The following PPFIA2 variants were observed in gnomAD, a reference collection of about 807,000 sequenced individuals.
PPFIA2 encodes PPFI scaffold protein A2, also known as liprin-alpha-2.
PPFIA2 carries 46 observed loss-of-function variants against 175.5 expected under a neutral mutation model. The observed-to-expected ratio is 0.26, with a 90% CI of 0.21 to 0.34. PPFIA2 has a LOEUF of 0.34. Among genes scored for constraint, PPFIA2 ranks in the 10% least tolerant of loss-of-function variants. The pLI is 1.00. For synonymous variants in PPFIA2, 568 were observed against 511.4 expected, an observed-to-expected ratio of 1.11 and a Z score of -1.49; for missense variants, 1,179 against 1,506.1, an observed-to-expected ratio of 0.78 and a Z score of 3.60.
At chr12:81,273,890 C>A (rs182915318) in intron 28 of PPFIA2, among the ~76,000 whole-genome samples, 4 of 151,718 alleles carry the variant, frequency 2.6e-5, no homozygotes, top group Non-Finnish European at 4.4e-5. Flanking sequence ...CCCGCCCCCC[C>A]CCAAACCGGT....
At chr12:81,370,493 T>G (rs547532035) in intron 11 of PPFIA2, among the ~76,000 whole-genome samples, 38 of 152,000 alleles carry the variant, frequency 2.5e-4, no homozygotes, top group Non-Finnish European at 4.9e-4. Context: ...GTCCTCAAAT[T>G]ATCAATTGAC....
intron 24 of PPFIA2, among the ~76,000 whole-genome samples, chr12:81,286,979 T>A (rs2043606619): frequency 6.6e-6 from 1 of 152,018 alleles, no homozygotes; most frequent in South Asian, 2.1e-4. Flanking sequence ...CATATGAGTA[T>A]ATAAATCATT....
intron 4 of PPFIA2, among the ~76,000 whole-genome samples, chr12:81,532,384 G>A (rs1014264252): frequency 6.6e-6 from 1 of 151,744 alleles, no homozygotes. Context: ...TATCAGAGCA[G>A]CTCAGCTCCC....
At chr12:81,325,277 C>T (rs1421410059) in intron 22 of PPFIA2, among the ~76,000 whole-genome samples, 2 of 151,946 alleles carry the variant, frequency 1.3e-5, no homozygotes, top group Admixed American at 6.6e-5. Context: ...ATTTAAATGT[C>T]CTATATTATA....
At chr12:81,281,214 C>A in intron 27 of PPFIA2, 43 bp downstream of exon 27, 1 of 1,404,440 alleles carries the variant, frequency 7.1e-7, no homozygotes, top group Non-Finnish European at 9.6e-7. Context: ...TATATTGTTT[C>A]ATTTTAATTA....
chr12:81,327,232 A>C (rs1383391897), intron 21 of PPFIA2, among the ~76,000 whole-genome samples: 3 of 152,080 alleles, frequency 2.0e-5, no homozygotes, highest in Non-Finnish European at 4.4e-5. Context: ...GATCTAATTC[A>C]GAGATGTGGA....
chr12:81,728,082 T>C (rs2080329179), intron 3 of PPFIA2, among the ~76,000 whole-genome samples: 1 of 151,500 alleles, frequency 6.6e-6, no homozygotes, highest in Non-Finnish European at 1.5e-5. Flanking sequence ...AAATGAATAC[T>C]ATTCAACTCT....
intron 3 of PPFIA2, among the ~76,000 whole-genome samples, chr12:81,703,604 G>A (rs2076756682): frequency 6.6e-6 from 1 of 151,962 alleles, no homozygotes; most frequent in Admixed American, 6.6e-5. Flanking sequence ...AGACTTCTCT[G>A]CTAGTATGGA....
At chr12:81,280,905 TGA>T (rs918288466) in intron 27 of PPFIA2, among the ~76,000 whole-genome samples, 11 of 139,680 alleles carry the variant, frequency 7.9e-5, no homozygotes, top group Non-Finnish European at 1.3e-4. Flanking sequence ...GTTGAAACTA[TGA>T]ATTTGTTTAT....
chr12:81,370,275 T>C (rs139231570), intron 11 of PPFIA2, among the ~76,000 whole-genome samples: 3 of 151,878 alleles, frequency 2.0e-5, no homozygotes, highest in African/African-American at 7.2e-5. Flanking sequence ...CAAGCAAGAT[T>C]GAGTTTCCTC....
At chr12:81,327,938 C>T (rs747884098) in intron 21 of PPFIA2, among the ~76,000 whole-genome samples, 10 of 152,006 alleles carry the variant, frequency 6.6e-5, no homozygotes, top group Non-Finnish European at 1.5e-4. Context: ...ACTGGAACTA[C>T]ATCCTACTCA....
intron 4 of PPFIA2, among the ~76,000 whole-genome samples, chr12:81,642,735 A>ATGTATATATTATATACATACATGTACG (rs1567688499): frequency 0.019 from 133 of 7,082 alleles, 46 homozygotes; most frequent in African/African-American, 0.036. Context: ...ATACATGTAT[A>ATGTATATATTATATACATACATGTACG]TGTATGTATG....
At chr12:81,520,239 C>T (rs1317342846) in intron 4 of PPFIA2, among the ~76,000 whole-genome samples, 1 of 152,056 alleles carries the variant, frequency 6.6e-6, no homozygotes, top group Non-Finnish European at 1.5e-5. Flanking sequence ...GATGTTGATG[C>T]CTAACGCGCA....
intron 22 of PPFIA2, among the ~76,000 whole-genome samples, chr12:81,323,438 T>C (rs977261431): frequency 5.3e-5 from 8 of 152,224 alleles, no homozygotes; most frequent in Middle Eastern, 3.4e-3. Context: ...TCATTTATTG[T>C]TTTTATTTAT....
chr12:81,582,302 A>C (rs976846896), intron 4 of PPFIA2, among the ~76,000 whole-genome samples: 1 of 151,876 alleles, frequency 6.6e-6, no homozygotes, highest in African/African-American at 2.4e-5. Context: ...TCCTCAGACT[A>C]CATAATGCCT....
chr12:81,315,921 A>G lies in PPFIA2; in HGVS notation c.2642+9856T>C, dbSNP rs949185939. On this transcript the variant is annotated intron_variant, in intron 22 of 32. Coordinates refer to ENST00000549396, the MANE Select transcript of PPFIA2 (RefSeq NM_003625.5). ...TTTCTTTAAGTTAATATTGACTTCA[A>G]ATAACTAAAATATTTGAGACTACTT... is the stretch of plus-strand genomic sequence containing the variant. 2.0e-5 allele frequency among the ~76,000 whole-genome samples: 3 copies of G among 151,718 alleles called. No homozygotes were observed. The South Asian group carries it at 6.2e-4, about 31-fold the overall frequency.
rs115957693 is a variant in PPFIA2, at chr12:81,432,032, C to A, written c.645+7940G>T. Among the ~76,000 whole-genome samples the A allele has an allele frequency of 3.8e-3, 572 of 152,274 alleles. 3 individuals are homozygous for A. Among genetic ancestry groups the A allele is most frequent in the African/African-American group, 0.013 (531 of 41,544 alleles). On this transcript the variant is annotated intron_variant, in intron 7 of 32. Transcript: ENST00000549396. ...TCCTCCCTTTGGTAATATTACTAAACCTTGTACCTACTTTTATATTCACAT... is the reference window on the plus strand; with the variant it reads ...TCCTCCCTTTGGTAATATTACTAAAACTTGTACCTACTTTTATATTCACAT...
At chr12:81,490,043 T>G (rs953247116) in intron 4 of PPFIA2, among the ~76,000 whole-genome samples, 1 of 151,890 alleles carries the variant, frequency 6.6e-6, no homozygotes, top group Admixed American at 6.6e-5. Context: ...ATTTTCCCCA[T>G]TATAAGACCT....
At chr12:81,630,951 C>A (rs1443194963) in intron 4 of PPFIA2, among the ~76,000 whole-genome samples, 1 of 149,212 alleles carries the variant, frequency 6.7e-6, no homozygotes, top group Non-Finnish European at 1.5e-5. Context: ...GGCTGGAGGG[C>A]AGTGGCACAA....
Sources: gnomAD v4.1 joint callset for allele counts (sites outside exome capture counted in the v4.1 genomes callset) on GRCh38, gnomAD v4.1.1 for gene constraint, MANE v1.5 for transcripts, NCBI Gene and HGNC (gene_info 2026-07-23, HGNC 2026-07-21) for gene names.